The following PKNOX2 variants were observed in gnomAD, a reference collection of about 807,000 sequenced individuals.
PKNOX2 encodes the protein homeobox protein PKNOX2.
Under a neutral mutation model 53.1 loss-of-function variants are expected in PKNOX2, and 14 were observed. The ratio of observed to expected loss-of-function variants is 0.26; its 90% CI spans 0.17 to 0.41. PKNOX2 has a LOEUF of 0.41. Among genes scored for constraint, PKNOX2 ranks in the 10% least tolerant of loss-of-function variants. The probability of loss-of-function intolerance (pLI) is 1.00; values close to 1 mark genes in which losing one functional copy is unlikely to be tolerated. For missense variants in PKNOX2, 496 were observed against 602.8 expected (o/e 0.82, Z 1.85); for synonymous variants, 257 against 242.8 (o/e 1.06, Z -0.54).
intron 4 of PKNOX2, among the ~76,000 whole-genome samples, chr11:125,365,179 C>T (rs1952123952): frequency 1.3e-5 from 2 of 152,070 alleles, no homozygotes; most frequent in East Asian, 1.9e-4. Context: ...GCCTATATAT[C>T]CCACGTTCCT....
chr11:125,233,637 G>A (rs1032042346), intron 1 of PKNOX2, among the ~76,000 whole-genome samples: 3 of 152,192 alleles, frequency 2.0e-5, no homozygotes, highest in Non-Finnish European at 4.4e-5. Context: ...TGAGCTATGA[G>A]CCTTGATCAT....
At chr11:125,230,297 C>T (rs995672497) in intron 1 of PKNOX2, among the ~76,000 whole-genome samples, 9 of 152,184 alleles carry the variant, frequency 5.9e-5, no homozygotes, top group African/African-American at 1.9e-4. Context: ...ACTATTGTGT[C>T]ATTTAGAGCC....
chr11:125,273,048 T>C (rs1945911983), intron 2 of PKNOX2, among the ~76,000 whole-genome samples: 1 of 152,198 alleles, frequency 6.6e-6, no homozygotes, highest in South Asian at 2.1e-4. Context: ...ACTTGCAGTC[T>C]GCCTGCCTAA....
chr11:125,343,288 G>T (rs550882021), intron 3 of PKNOX2, among the ~76,000 whole-genome samples: 9 of 152,190 alleles, frequency 5.9e-5, no homozygotes, highest in African/African-American at 1.7e-4. Flanking sequence ...ACCCACCGCA[G>T]GTCACTGCAG....
intron 2 of PKNOX2, among the ~76,000 whole-genome samples, chr11:125,275,349 T>C (rs936549585): frequency 4.6e-5 from 7 of 151,964 alleles, no homozygotes; most frequent in African/African-American, 1.7e-4. Context: ...CCAGTGTGCA[T>C]GGGGAATGAG....
chr11:125,389,680 T>C (rs1302765674), intron 6 of PKNOX2, among the ~76,000 whole-genome samples: 1 of 152,226 alleles, frequency 6.6e-6, no homozygotes, highest in Non-Finnish European at 1.5e-5. Context: ...TAAAAGCTTT[T>C]TGTTTTATAA....
At chr11:125,358,906 G>T (rs1048413093) in intron 4 of PKNOX2, among the ~76,000 whole-genome samples, 2 of 152,218 alleles carry the variant, frequency 1.3e-5, no homozygotes, top group African/African-American at 4.8e-5. Flanking sequence ...ACAGGCAAAG[G>T]GCCTGGTGTT....
chr11:125,367,829 C>T lies in PKNOX2; in HGVS notation c.88-17C>T. On this transcript the variant is annotated splice_polypyrimidine_tract_variant and intron_variant, in intron 4 of 12. Coordinates refer to ENST00000298282, the MANE Select transcript of PKNOX2 (RefSeq NM_001382323.2). ...TGGCCATGCTAACCCACCACCTCCCCTTTCTTCTCTCTGCAGATGACGGCA... is the reference window on the plus strand; with the variant it reads ...TGGCCATGCTAACCCACCACCTCCCTTTTCTTCTCTCTGCAGATGACGGCA... 1 of 1,607,360 alleles carries T rather than the reference C, an allele frequency of 6.2e-7. No homozygotes were observed. Among genetic ancestry groups the T allele is most frequent in the South Asian group, 1.1e-5 (1 of 90,076 alleles).
intron 2 of PKNOX2, among the ~76,000 whole-genome samples, chr11:125,315,421 G>A (rs1282012277): frequency 6.6e-6 from 1 of 152,052 alleles, no homozygotes; most frequent in East Asian, 1.9e-4. Flanking sequence ...CCAGCCCATG[G>A]GGTCTGCTAC....
At chr11:125,397,753 G>A (rs1954495356) in intron 6 of PKNOX2, 121 bp from the exon 7 acceptor site, 3 of 1,025,332 alleles carry the variant, frequency 2.9e-6, no homozygotes, top group Non-Finnish European at 4.3e-6. Context: ...ATCAAGTGTA[G>A]GAAGCATGAG....
chr11:125,429,450 C>A (rs188410233), intron 11 of PKNOX2, among the ~76,000 whole-genome samples: 2 of 152,300 alleles, frequency 1.3e-5, no homozygotes, highest in East Asian at 1.9e-4. Context: ...GTCTTCCCCA[C>A]CCCCATGTGA....
chr11:125,408,826 T>C lies in PKNOX2; in HGVS notation c.589-1370T>C, dbSNP rs943725579. On this transcript the variant is annotated intron_variant, in intron 7 of 12. Coordinates refer to ENST00000298282, the MANE Select transcript of PKNOX2 (RefSeq NM_001382323.2). Reference sequence around the variant, plus strand: ...GCTCGAGGTTTCCTCCAAACACAGATTTCCGGGCTCAAAACCCTAGACTTG... The same window carrying C: ...GCTCGAGGTTTCCTCCAAACACAGACTTCCGGGCTCAAAACCCTAGACTTG... Among the ~76,000 whole-genome samples the C allele has an allele frequency of 8.5e-5, 13 of 152,224 alleles. No homozygotes were observed. The Middle Eastern group carries it at 0.01, about 119-fold the overall frequency.
intron 2 of PKNOX2, among the ~76,000 whole-genome samples, chr11:125,261,741 A>G (rs1475610853): frequency 1.3e-5 from 2 of 152,230 alleles, no homozygotes; most frequent in Non-Finnish European, 2.9e-5. Flanking sequence ...ACATGGCCAG[A>G]GGGAGCAGAG....
chr11:125,302,866 A>G (rs1368160281), intron 2 of PKNOX2, among the ~76,000 whole-genome samples: 1 of 152,190 alleles, frequency 6.6e-6, no homozygotes, highest in Admixed American at 6.5e-5. Context: ...GAGCTGGGAG[A>G]ATCCTTGGAG....
At chr11:125,278,822 C>A (rs1234915262) in intron 2 of PKNOX2, among the ~76,000 whole-genome samples, 1 of 152,178 alleles carries the variant, frequency 6.6e-6, no homozygotes, top group Non-Finnish European at 1.5e-5. Flanking sequence ...GAAACTGAGG[C>A]CCAGAGAGGT....
intron 1 of PKNOX2, among the ~76,000 whole-genome samples, chr11:125,207,219 C>T (rs1012016344): frequency 2.0e-5 from 3 of 151,986 alleles, no homozygotes; most frequent in Admixed American, 6.6e-5. Context: ...CTTCCTTCCA[C>T]CCTCCCTCCT....
chr11:125,253,025 T>C lies in PKNOX2; in HGVS notation c.-130+17910T>C, dbSNP rs373816308. On this transcript the variant is annotated intron_variant, in intron 2 of 12. Coordinates refer to ENST00000298282, the MANE Select transcript of PKNOX2 (RefSeq NM_001382323.2). ...CAAAGGCTACCTCTTCTAAGGGAGT[T>C]GTCATTGCACAGTCAAGAACGAGTA... is the stretch of plus-strand genomic sequence containing the variant. 7.2e-5 allele frequency among the ~76,000 whole-genome samples: 11 copies of C among 152,328 alleles called. No individual in the cohort carries two copies. In the East Asian group the frequency reaches 1.5e-3, roughly 21 times the overall value.
In PKNOX2 at chr11:125,378,978, T is replaced by G. The variant is rs559451953; in HGVS notation, c.228-6573T>G. ...CCTAAGAAGGAAGAAATGTTTGTTT[T>G]TTTTTTTTAAACCCAGGTGGTCCAA... On this transcript the variant is annotated intron_variant, in intron 5 of 12. Coordinates refer to ENST00000298282, the MANE Select transcript of PKNOX2 (RefSeq NM_001382323.2). 7.9e-4 allele frequency among the ~76,000 whole-genome samples: 120 copies of G among 152,204 alleles called. No individual in the cohort carries two copies. In the Middle Eastern group the frequency reaches 0.017, roughly 22 times the overall value.
At chr11:125,301,070 A>G (rs1398408183) in intron 2 of PKNOX2, among the ~76,000 whole-genome samples, 1 of 152,148 alleles carries the variant, frequency 6.6e-6, no homozygotes, top group Non-Finnish European at 1.5e-5. Flanking sequence ...CCAGGCCAAA[A>G]TGTGCTGTAC....
Sources: gnomAD v4.1 joint callset for allele counts (sites outside exome capture counted in the v4.1 genomes callset) on GRCh38, gnomAD v4.1.1 for gene constraint, MANE v1.5 for transcripts, NCBI Gene and HGNC (gene_info 2026-07-23, HGNC 2026-07-21) for gene names.